The following WSCD2 variants were observed in gnomAD, a reference collection of about 807,000 sequenced individuals.
WSCD2 encodes the protein sialate:O-sulfotransferase 2.
In WSCD2, 28 loss-of-function variants were observed where a neutral mutation model predicts 55.7. That is an observed-to-expected ratio of 0.50 (90% CI 0.37 to 0.69). The LOEUF is 0.69. Among genes scored for constraint, WSCD2 ranks in the 30% least tolerant of loss-of-function variants. WSCD2 has a pLI of 0.00. For missense variants in WSCD2, 616 were observed against 762.1 expected (o/e 0.81, Z 2.26); for synonymous variants, 301 against 301.9 (o/e 1.00, Z 0.03).
At position 108,164,139 on chromosome 12, in the gene WSCD2, C is replaced by CTTTTTTTTTTTTTTT. The variant is rs1555224800; in HGVS notation, c.-551-31134_-551-31120dup. On this transcript the variant is annotated intron_variant, in intron 1 of 8. Transcript: ENST00000547525. ...TTATACTGTTGTTTAATCTTAAATC[C>CTTTTTTTTTTTTTTT]TTTTTTTTTTTTTTTTTTTTTTTCA... 1.1e-4 allele frequency among the ~76,000 whole-genome samples: 9 copies of CTTTTTTTTTTTTTTT among 85,290 alleles called. 1 individual carries two copies. Among genetic ancestry groups the CTTTTTTTTTTTTTTT allele is most frequent in the Non-Finnish European group, 1.5e-4 (7 of 46,382 alleles). The allele number at this position is 85,290 out of a possible 152,430, so 56.0% of individuals were successfully genotyped here.
chr12:108,178,441 T>C (rs1287109072), intron 1 of WSCD2, among the ~76,000 whole-genome samples: 1 of 152,234 alleles, frequency 6.6e-6, no homozygotes. Flanking sequence ...GGCCTTTGCC[T>C]GACCCTTCAA....
chr12:108,164,682 T>C (rs1337788301), intron 1 of WSCD2, among the ~76,000 whole-genome samples: 1 of 152,138 alleles, frequency 6.6e-6, no homozygotes, highest in Non-Finnish European at 1.5e-5. Context: ...AATGTTTCGC[T>C]TCAGTGGACA....
chr12:108,182,296 C>A (rs1881879071), intron 1 of WSCD2, among the ~76,000 whole-genome samples: 1 of 152,140 alleles, frequency 6.6e-6, no homozygotes, highest in South Asian at 2.1e-4. Flanking sequence ...ATATATAATT[C>A]ATGGGTGCAT....
intron 4 of WSCD2, among the ~76,000 whole-genome samples, chr12:108,214,807 A>T (rs1886634234): frequency 6.6e-6 from 1 of 152,206 alleles, no homozygotes; most frequent in African/African-American, 2.4e-5. Context: ...TATGAAGCTT[A>T]CACTATCACT....
Position 108,210,040 on chromosome 12 carries a change from C to T in WSCD2, c.498-81C>T, listed in dbSNP as rs1486150634. On this transcript the variant is annotated intron_variant, in intron 3 of 8. Coordinates refer to ENST00000547525, the MANE Select transcript of WSCD2 (RefSeq NM_014653.4). This position sits in a 1 kb window ranked among gnomAD's most constrained non-coding sequence, Gnocchi z 4.3. ...CTCCTGGTCCCCAGAGCCCTCCCAT[C>T]CCCCAGGTCTCCATGTTGTGTCTCC... is the stretch of plus-strand genomic sequence containing the variant. 42 of 1,578,628 alleles carry T rather than the reference C, an allele frequency of 2.7e-5. No homozygotes were observed. Among genetic ancestry groups the T allele is most frequent in the Middle Eastern group, 1.7e-4 (1 of 5,940 alleles).
At position 108,196,212 on chromosome 12, in the gene WSCD2, G is replaced by A. The variant is rs776107358; in HGVS notation, c.380G>A (p.Arg127Gln). The A allele has an allele frequency of 1.6e-5, 25 of 1,611,606 alleles. No individual in the cohort carries two copies. Among genetic ancestry groups the A allele is most frequent in the Admixed American group, 6.7e-5 (4 of 59,654 alleles). The change falls in exon 2 of 9, where the codon CGA (arginine) becomes CAA (glutamine). Residue 127 changes from arginine to glutamine, a missense_variant and splice_region_variant. Physicochemically the swap from Arg to Gln is conservative, Grantham distance 43. Coordinates refer to ENST00000547525, the MANE Select transcript of WSCD2 (RefSeq NM_014653.4). ...GTTGTCCGGGAGAAGGAGGAAGAGC[G>A]AGGTAAGAGCGAGGAACATCTGGAC... ...GRVVREKEEE[R>Q]AKYIGCYLDD...
At chr12:108,157,684 T>C (rs1878658322) in intron 1 of WSCD2, among the ~76,000 whole-genome samples, 1 of 152,218 alleles carries the variant, frequency 6.6e-6, no homozygotes, top group Admixed American at 6.5e-5. Context: ...GTGCAGCTGC[T>C]GTCTCCCCCA....
intron 1 of WSCD2, among the ~76,000 whole-genome samples, chr12:108,169,266 G>A (rs1879974644): frequency 6.6e-6 from 1 of 152,110 alleles, no homozygotes; most frequent in African/African-American, 2.4e-5. Flanking sequence ...ATGTAACAAT[G>A]TAATAATAAT....
rs752997947 is a variant in WSCD2 at position 108,196,162 on chromosome 12, C to G, written c.330C>G (p.Ala110=). The G allele has an allele frequency of 1.2e-6, 2 of 1,614,148 alleles. No homozygotes were observed. Among genetic ancestry groups the G allele is most frequent in the Non-Finnish European group, 1.7e-6 (2 of 1,180,034 alleles). The change falls in exon 2 of 9, where the codon GCC becomes GCG. Residue 110 remains alanine (A), a synonymous_variant. Coordinates refer to ENST00000547525, the MANE Select transcript of WSCD2 (RefSeq NM_014653.4). The part of the protein sequence containing the change: ...ERAKLGDYGG[A]WSRALKGRVV... Reference sequence around the variant, plus strand: ...CCAAGCTTGGCGACTACGGTGGAGCCTGGAGCCGAGCCCTCAAGGGGAGGG... The same window carrying G: ...CCAAGCTTGGCGACTACGGTGGAGCGTGGAGCCGAGCCCTCAAGGGGAGGG...
At chr12:108,218,373 A>T (rs1887091447) in intron 4 of WSCD2, among the ~76,000 whole-genome samples, 1 of 152,208 alleles carries the variant, frequency 6.6e-6, no homozygotes, top group South Asian at 2.1e-4. Context: ...AGGATGGCTC[A>T]TCCTGAGCCT....
At chr12:108,229,571 G>A (rs551682864) in intron 6 of WSCD2, among the ~76,000 whole-genome samples, 170 of 152,328 alleles carry the variant, frequency 1.1e-3, no homozygotes, top group Non-Finnish European at 2.2e-3. Context: ...GGAAACTGAG[G>A]CTTAGTGAGG....
chr12:108,193,747 G>A (rs184344892), intron 1 of WSCD2, among the ~76,000 whole-genome samples: 1 of 152,288 alleles, frequency 6.6e-6, no homozygotes, highest in East Asian at 1.9e-4. Flanking sequence ...GGATGGGTAG[G>A]TGGACTGCTG....
intron 1 of WSCD2, among the ~76,000 whole-genome samples, chr12:108,132,907 T>C (rs1177150538): frequency 6.6e-6 from 1 of 152,228 alleles, no homozygotes; most frequent in Non-Finnish European, 1.5e-5. Flanking sequence ...TGTGCATATG[T>C]GTGTGTAGCA....
In WSCD2 at chr12:108,195,534, A is replaced by G. The variant is rs1883802186; in HGVS notation, c.-299A>G. 2 of 394,642 alleles carry G rather than the reference A, an allele frequency of 5.1e-6. No individual in the cohort carries two copies. The allele number at this position is 394,642 out of a possible 1,614,324, so 24.4% of individuals were successfully genotyped here. A position where few individuals can be genotyped will look rare whatever the true frequency, so the allele number is the denominator to read the frequency against. ...TTAGGAACACTCTGAAGTGAAGAAC[A>G]ATATGTAGGAAAATGGGACCAACTT... On this transcript the variant is annotated 5_prime_UTR_variant, in exon 2 of 9. Coordinates refer to ENST00000547525, the MANE Select transcript of WSCD2 (RefSeq NM_014653.4).
At chr12:108,237,496 G>A (rs917480415) in intron 7 of WSCD2, among the ~76,000 whole-genome samples, 4 of 152,222 alleles carry the variant, frequency 2.6e-5, no homozygotes, top group African/African-American at 9.6e-5. Flanking sequence ...ACACCCTAGT[G>A]GTGGAGTCCG....
intron 1 of WSCD2, among the ~76,000 whole-genome samples, chr12:108,190,514 T>C (rs537076743): frequency 1.3e-5 from 2 of 152,224 alleles, no homozygotes; most frequent in Non-Finnish European, 2.9e-5. Flanking sequence ...CCCTAGCCAA[T>C]AGAACCTGGA....
chr12:108,166,761 T>TCTTTCTTTCTTTCTTTCTTTC (rs1555225182), intron 1 of WSCD2, among the ~76,000 whole-genome samples: 2 of 124,820 alleles, frequency 1.6e-5, no homozygotes, highest in East Asian at 2.3e-4. Context: ...TCTTTCTTTC[T>TCTTTCTTTCTTTCTTTCTTTC]TTTCTTTCTT....
rs138523163 is a variant in WSCD2 at position 108,248,142 on chromosome 12, C to A, written c.1497C>A (p.Gly499=). Residue 499 remains glycine, a synonymous_variant, in exon 9 of 9, where the codon GGC becomes GGA. Transcript: ENST00000547525. This position sits in a 1 kb window ranked among gnomAD's most constrained non-coding sequence, Gnocchi z 4.3. Reference sequence around the variant, plus strand: ...TGGGCCGGATGGTCAGCCTGCTGGGCGTGGCTGTCAGGGAGGACCGGCTGC... The same window carrying A: ...TGGGCCGGATGGTCAGCCTGCTGGGAGTGGCTGTCAGGGAGGACCGGCTGC... The part of the protein sequence containing the change: ...VQLGRMVSLL[G]VAVREDRLLC... 1 of 1,614,054 alleles carries A rather than the reference C, an allele frequency of 6.2e-7. No homozygotes were observed. The highest frequency in any genetic ancestry group is 2.2e-5 in the East Asian group (1 of 44,896).
Position 108,133,440 on chromosome 12 carries a change from G to C in WSCD2, c.-552+3514G>C, listed in dbSNP as rs190274645. ...AGCAGTGTAACTTTTGTGCATGTCTGTGTGTATGTGTGTGCTTCTAAGCAT... is the reference window on the plus strand; with the variant it reads ...AGCAGTGTAACTTTTGTGCATGTCTCTGTGTATGTGTGTGCTTCTAAGCAT... On this transcript the variant is annotated intron_variant, in intron 1 of 8. Coordinates refer to ENST00000547525, the MANE Select transcript of WSCD2 (RefSeq NM_014653.4). 2.6e-5 allele frequency among the ~76,000 whole-genome samples: 4 copies of C among 152,314 alleles called. No homozygotes were observed. The East Asian group carries it at 7.7e-4, about 29-fold the overall frequency.
Sources: gnomAD v4.1 joint callset for allele counts (sites outside exome capture counted in the v4.1 genomes callset) on GRCh38, gnomAD v4.1.1 for gene constraint, Gnocchi (gnomAD v3.1) non-coding constraint, MANE v1.5 for transcripts, NCBI Gene and HGNC (gene_info 2026-07-23, HGNC 2026-07-21) for gene names.